The following LIMS2 variants were observed in gnomAD, a reference collection of about 807,000 sequenced individuals.
The protein encoded by LIMS2 is LIM and senescent cell antigen-like-containing domain protein 2.
Under a neutral mutation model 45.3 loss-of-function variants are expected in LIMS2, and 30 were observed. The observed-to-expected ratio is 0.66, with a 90% CI of 0.50 to 0.90. The LOEUF (loss-of-function observed/expected upper bound fraction) is 0.90. LIMS2 is among the 40% of genes least tolerant of loss of function. LIMS2 has a pLI of 0.00. For synonymous variants in LIMS2, 173 were observed against 188.0 expected (o/e 0.92, Z 0.65); for missense variants, 485 against 468.7 (o/e 1.03, Z -0.32).
chr2:127,679,120 G>A (rs1394580289), upstream of LIMS2, among the ~76,000 whole-genome samples: 2 of 152,182 alleles, frequency 1.3e-5, no homozygotes, highest in Non-Finnish European at 2.9e-5. This position sits in a 1 kb window ranked among gnomAD's most constrained non-coding sequence, Gnocchi z 5.3. Flanking sequence ...GGCCAGGGAA[G>A]CATCTGGGTT....
upstream of LIMS2, among the ~76,000 whole-genome samples, chr2:127,677,772 C>A (rs1241341310): frequency 4.6e-5 from 7 of 152,144 alleles, no homozygotes; most frequent in Admixed American, 2.6e-4. The surrounding 1 kb of genome is among the most constrained non-coding windows in gnomAD (Gnocchi z 5.0). Flanking sequence ...AAAAGAGCAC[C>A]TTTTCCATCT....
At chr2:127,650,312 C>G (rs1352267614) in intron 4 of LIMS2, 1 of 569,102 alleles carries the variant, frequency 1.8e-6, no homozygotes, top group East Asian at 3.0e-5. Context: ...ACACACTGCC[C>G]CCGCCCCTCA....
chr2:127,638,902 A>G lies in LIMS2; in HGVS notation c.*379T>C, dbSNP rs1157055933. The G allele has an allele frequency of 3.4e-5, 7 of 207,442 alleles. No individual in the cohort carries two copies. The allele number at this position is 207,442 out of a possible 1,614,324, so 12.9% of individuals were successfully genotyped here. On this transcript the variant is annotated 3_prime_UTR_variant, in exon 10 of 10. Coordinates refer to ENST00000355119, the MANE Select transcript of LIMS2 (RefSeq NM_001161403.3). ...GCGCTTAGTGGGGCCGCTCTGGGGC[A>G]GGGGCTCTCACAGGACAGCATGAGC... is the stretch of plus-strand genomic sequence containing the variant.
chr2:127,650,810 G>A (rs1683677104), intron 4 of LIMS2: 1 of 1,613,976 alleles, frequency 6.2e-7, no homozygotes, highest in Non-Finnish European at 8.5e-7. Context: ...AATGTGGCCA[G>A]GAGACGCCAC....
At chr2:127,658,547 C>G (rs892513756) in intron 1 of LIMS2, among the ~76,000 whole-genome samples, 5 of 152,190 alleles carry the variant, frequency 3.3e-5, no homozygotes, top group Admixed American at 3.3e-4. Flanking sequence ...AGGGGAAAAG[C>G]CCACAGTGAG....
At chr2:127,654,627 C>A in intron 3 of LIMS2, 83 bp from the exon 4 acceptor site, 1 of 1,589,312 alleles carries the variant, frequency 6.3e-7, no homozygotes, top group Non-Finnish European at 8.6e-7. Flanking sequence ...CCACCTAGCA[C>A]TCCGCCTGCT....
At chr2:127,655,264 C>T (rs1320922095) in intron 2 of LIMS2, 19 of 324,540 alleles carry the variant, frequency 5.9e-5, no homozygotes, top group Non-Finnish European at 9.6e-5. Context: ...GGTCCTATTT[C>T]GTATACCTTC....
At chr2:127,641,047 C>G in intron 6 of LIMS2, 59 bp from the exon 7 acceptor site, 1 of 1,412,710 alleles carries the variant, frequency 7.1e-7, no homozygotes, top group Non-Finnish European at 1.0e-6. Context: ...CCCCGAGGGA[C>G]AGTGGTGACC....
At chr2:127,674,102 C>T (rs945019579) in intron 1 of LIMS2, 16 of 291,748 alleles carry the variant, frequency 5.5e-5, no homozygotes, top group African/African-American at 1.1e-4. Flanking sequence ...CTGTGGGCCT[C>T]GGATTTGAGA....
At chr2:127,661,230 T>G (rs534505252) in intron 1 of LIMS2, among the ~76,000 whole-genome samples, 3 of 152,330 alleles carry the variant, frequency 2.0e-5, no homozygotes, top group East Asian at 3.9e-4. Context: ...TGGAGAGAGA[T>G]GCTCGCTTCT....
In LIMS2 at chr2:127,647,774, A is replaced by G. The variant is rs936727902; in HGVS notation, c.360-4702T>C. Among the ~76,000 whole-genome samples the G allele has an allele frequency of 3.3e-5, 5 of 151,596 alleles. No individual in the cohort carries two copies. The highest frequency in any genetic ancestry group is 1.3e-4 in the Admixed American group (2 of 15,264). On this transcript the variant is annotated intron_variant, in intron 4 of 9. Coordinates refer to ENST00000355119, the MANE Select transcript of LIMS2 (RefSeq NM_001161403.3). The surrounding 1 kb of genome is among the most constrained non-coding windows in gnomAD (Gnocchi z 4.3). ...CATGGGCTGTCCTCTCTGCTTGCCCATGCGTCTGCCCTGGAGCCCTGTTCC... is the reference window on the plus strand; with the variant it reads ...CATGGGCTGTCCTCTCTGCTTGCCCGTGCGTCTGCCCTGGAGCCCTGTTCC...
upstream of LIMS2, among the ~76,000 whole-genome samples, chr2:127,680,194 G>A (rs543870962): frequency 3.9e-5 from 6 of 152,310 alleles, no homozygotes; most frequent in Non-Finnish European, 7.4e-5. Flanking sequence ...CCTCCCGGGC[G>A]GCTCCCTGGG....
At chr2:127,645,071 A>G (rs772847036) in intron 4 of LIMS2, among the ~76,000 whole-genome samples, 12 of 152,228 alleles carry the variant, frequency 7.9e-5, no homozygotes, top group Non-Finnish European at 1.5e-4. Context: ...GCAGAAAAAC[A>G]AAACACACAC....
chr2:127,653,265 G>A lies in LIMS2; in HGVS notation c.359+1159C>T, dbSNP rs1414551731. ...AGAGTGCCCGGACAGAGAGAGTGTG[G>A]CAGGGGAAGCATGGCTGGGGCCTCT... On this transcript the variant is annotated intron_variant, in intron 4 of 9. Transcript: ENST00000355119. The surrounding 1 kb of genome is among the most constrained non-coding windows in gnomAD (Gnocchi z 5.3). 6.6e-6 allele frequency among the ~76,000 whole-genome samples: 1 copy of A among 152,190 alleles called. No homozygotes were observed. Among genetic ancestry groups the A allele is most frequent in the African/African-American group, 2.4e-5 (1 of 41,442 alleles).
rs370252535 is a variant in LIMS2 at position 127,651,510 on chromosome 2, G to A, written c.359+2914C>T. On this transcript the variant is annotated intron_variant, in intron 4 of 9. Coordinates refer to ENST00000355119, the MANE Select transcript of LIMS2 (RefSeq NM_001161403.3). ...CTACCACGTCAACCGCTCCGTCTACGTGCTGCACTACCGCAGCCATGGGGC... is the reference window on the plus strand; with the variant it reads ...CTACCACGTCAACCGCTCCGTCTACATGCTGCACTACCGCAGCCATGGGGC... The A allele has an allele frequency of 2.7e-5, 44 of 1,612,672 alleles. No homozygotes were observed. The highest frequency in any genetic ancestry group is 1.9e-4 in the South Asian group (17 of 91,086).
chr2:127,642,365 C>A lies in LIMS2; in HGVS notation c.510-166G>T, dbSNP rs1178068656. Reference sequence around the variant, plus strand: ...CTGGGCACTTTGAAGACTTCCTGTGCCCCAGACAGGCCCTGGAGCACAGAC... The same window carrying A: ...CTGGGCACTTTGAAGACTTCCTGTGACCCAGACAGGCCCTGGAGCACAGAC... On this transcript the variant is annotated intron_variant, in intron 5 of 9. Coordinates refer to ENST00000355119, the MANE Select transcript of LIMS2 (RefSeq NM_001161403.3). The surrounding 1 kb of genome is among the most constrained non-coding windows in gnomAD (Gnocchi z 5.3). The A allele has an allele frequency of 6.9e-6, 5 of 719,454 alleles. No individual in the cohort carries two copies. The highest frequency in any genetic ancestry group is 1.1e-5 in the Non-Finnish European group (5 of 461,814). 44.6% of individuals were successfully genotyped at this position (719,454 alleles called of 1,614,324 possible).
chr2:127,668,668 C>CAAAAAAAAAAAA (rs70985469), intron 1 of LIMS2, among the ~76,000 whole-genome samples: 37 of 17,268 alleles, frequency 2.1e-3, no homozygotes, highest in East Asian at 4.8e-3. Context: ...GACTCCGTCT[C>CAAAAAAAAAAAA]AAAAAAAAAA....
chr2:127,643,107 CA>C, intron 4 of LIMS2, 35 bp from the exon 5 acceptor site: 1 of 1,540,486 alleles, frequency 6.5e-7, no homozygotes. Context: ...GCAGAGCCCC[CA>C]CTCCCACACA....
chr2:127,651,433 C>T, intron 4 of LIMS2: 1 of 1,612,926 alleles, frequency 6.2e-7, no homozygotes, highest in Non-Finnish European at 8.5e-7. Context: ...AAGACCAAGG[C>T]AGTGCGCATG....
Sources: allele counts gnomAD v4.1 joint callset (sites outside exome capture counted in the v4.1 genomes callset), GRCh38; gene constraint gnomAD v4.1.1; non-coding constraint Gnocchi (gnomAD v3.1); transcripts MANE v1.5; gene names NCBI Gene and HGNC (gene_info 2026-07-23, HGNC 2026-07-21).